Variants in SLC24A2 observed in about 807,000 individuals in gnomAD.
SLC24A2 encodes the protein solute carrier family 24 member 2.
SLC24A2 carries 36 observed loss-of-function variants against 62.0 expected under a neutral mutation model. That is an observed-to-expected ratio of 0.58 (90% CI 0.44 to 0.77). The LOEUF is 0.77. Ranked by LOEUF, SLC24A2 falls within the 30% of genes least tolerant of loss-of-function variation. The probability of loss-of-function intolerance (pLI) is 0.00; values close to 1 mark genes in which losing one functional copy is unlikely to be tolerated. For synonymous variants in SLC24A2, 358 were observed against 294.0 expected, an observed-to-expected ratio of 1.22 and a Z score of -2.23; for missense variants, 846 against 817.9, an observed-to-expected ratio of 1.03 and a Z score of -0.42.
At chr9:19,851,027 A>T in the SLC24A2 span, among the ~76,000 whole-genome samples, 20,057 of 54,608 alleles carry the variant, frequency 0.37, 4,868 homozygotes, top group Non-Finnish European at 0.45. Context: ...ATATATACAT[A>T]TTTTTTTTTT....
At chr9:19,643,260 G>C (rs73646352) in intron 2 of SLC24A2, among the ~76,000 whole-genome samples, 4,907 of 152,078 alleles carry the variant, frequency 0.032, 183 homozygotes, top group African/African-American at 0.087. Context: ...AAACTATTAC[G>C]TATAATCTCT....
At chr9:20,279,592 G>A in the SLC24A2 span, among the ~76,000 whole-genome samples, 1,056 of 152,294 alleles carry the variant, frequency 6.9e-3, 16 homozygotes, top group African/African-American at 0.025. Flanking sequence ...TGATGATATT[G>A]CAAGTCCATC....
chr9:19,606,643 AACACACACACACACGC>A (rs1336243104), intron 4 of SLC24A2, among the ~76,000 whole-genome samples: 11 of 151,974 alleles, frequency 7.2e-5, no homozygotes, highest in Middle Eastern at 3.4e-3. Context: ...AATATATGAG[AACACACACACACACGC>A]ACACACACAC....
chr9:19,566,221 C>A (rs1217372558), intron 7 of SLC24A2, among the ~76,000 whole-genome samples: 1 of 150,264 alleles, frequency 6.7e-6, no homozygotes, highest in Non-Finnish European at 1.5e-5. Flanking sequence ...ACTCATCTGA[C>A]AAAGGGCTAA....
At chr9:19,964,251 G>A in the SLC24A2 span, among the ~76,000 whole-genome samples, 1 of 150,062 alleles carries the variant, frequency 6.7e-6, no homozygotes, top group East Asian at 2.0e-4. Context: ...GATAGCATGA[G>A]GAGATATACC....
At chr9:20,023,336 G>A in the SLC24A2 span, among the ~76,000 whole-genome samples, 2 of 152,270 alleles carry the variant, frequency 1.3e-5, no homozygotes, top group South Asian at 4.1e-4. Flanking sequence ...AAACTGCTCT[G>A]TATTTCCATG....
At chr9:19,517,539 T>G (rs1480516923) in intron 10 of SLC24A2, among the ~76,000 whole-genome samples, 3 of 152,144 alleles carry the variant, frequency 2.0e-5, no homozygotes, top group Non-Finnish European at 4.4e-5. Flanking sequence ...TCTTTGAAAT[T>G]CCAGGCCTGG....
Position 19,708,737 on chromosome 9 carries a change from T to C in SLC24A2, c.930+77200A>G, listed in dbSNP as rs971938606. Among the ~76,000 whole-genome samples the C allele has an allele frequency of 7.9e-5, 12 of 152,074 alleles. No homozygotes were observed. In the East Asian group the frequency reaches 1.4e-3, roughly 17 times the overall value. On this transcript the variant is annotated intron_variant, in intron 2 of 10. Coordinates refer to ENST00000341998, the MANE Select transcript of SLC24A2 (RefSeq NM_020344.4). ...GCTGAAACTGGATCCCTTCCTTACA[T>C]CTTATACAAAAATTAATTCAAGATG...
chr9:19,665,293 T>A (rs1268679231), intron 2 of SLC24A2, among the ~76,000 whole-genome samples: 3 of 152,060 alleles, frequency 2.0e-5, no homozygotes, highest in Non-Finnish European at 4.4e-5. Context: ...GCAGTGGAGA[T>A]GAGAAGAAAC....
rs368071322 is a variant in SLC24A2 at position 19,620,529 on chromosome 9, T to C, written c.970-837A>G. Among the ~76,000 whole-genome samples the C allele has an allele frequency of 4.6e-5, 7 of 152,348 alleles. No individual in the cohort carries two copies. The South Asian group carries it at 1.5e-3, about 32-fold the overall frequency. ...GATCCGTTGGCCAAATAAAAGGAAC[T>C]GGTACGTGACAAGGAAGAATGAGTA... On this transcript the variant is annotated intron_variant, in intron 3 of 10. Coordinates refer to ENST00000341998, the MANE Select transcript of SLC24A2 (RefSeq NM_020344.4).
At chr9:19,797,565 A>G in the SLC24A2 span, among the ~76,000 whole-genome samples, 2 of 152,228 alleles carry the variant, frequency 1.3e-5, no homozygotes, top group African/African-American at 2.4e-5. Context: ...CCAGAAACAC[A>G]TGTCAGTATC....
At chr9:19,592,495 C>CCCACCT (rs1836585332) in intron 5 of SLC24A2, among the ~76,000 whole-genome samples, 141 of 70,578 alleles carry the variant, frequency 2.0e-3, no homozygotes, top group African/African-American at 4.5e-3. Context: ...CCTACCTACC[C>CCCACCT]ACCTACCTAC....
At chr9:19,983,677 C>T in the SLC24A2 span, among the ~76,000 whole-genome samples, 1 of 151,994 alleles carries the variant, frequency 6.6e-6, no homozygotes, top group Non-Finnish European at 1.5e-5. Context: ...TTTTTTCATC[C>T]ACTGGAAATG....
chr9:19,826,167 G>A, the SLC24A2 span, among the ~76,000 whole-genome samples: 2 of 78,652 alleles, frequency 2.5e-5, no homozygotes, highest in Non-Finnish European at 5.6e-5. Context: ...GAAGAATGAT[G>A]CATTGCAAAA....
chr9:19,941,856 C>T, the SLC24A2 span, among the ~76,000 whole-genome samples: 4 of 152,046 alleles, frequency 2.6e-5, no homozygotes, highest in East Asian at 5.8e-4. Flanking sequence ...TATAAGGAAT[C>T]AGTACTAGGA....
chr9:19,933,845 C>A, the SLC24A2 span, among the ~76,000 whole-genome samples: 5 of 152,216 alleles, frequency 3.3e-5, no homozygotes, highest in Admixed American at 6.5e-5. Context: ...AAAACTTTAT[C>A]CTAAGTGAAA....
chr9:19,971,311 G>T, the SLC24A2 span, among the ~76,000 whole-genome samples: 1 of 152,164 alleles, frequency 6.6e-6, no homozygotes, highest in Non-Finnish European at 1.5e-5. Context: ...GTTTATTGTT[G>T]TGTCATTTGT....
At chr9:19,967,320 T>A in the SLC24A2 span, 13 of 152,182 alleles carry the variant, frequency 8.5e-5, no homozygotes, top group African/African-American at 3.1e-4. Context: ...CACTTACACA[T>A]ACTTGTACAC....
Position 19,509,812 on chromosome 9 carries a change from T to C in SLC24A2, c.*6341A>G, listed in dbSNP as rs556525464. On this transcript the variant is annotated 3_prime_UTR_variant, in exon 11 of 11. Transcript: ENST00000341998. ...TAGTCTCCAAGGCCTTAGTTACTTA[T>C]GGATCCATTATGAAGGAATATGCAA... 2 of 152,180 alleles carry C rather than the reference T, an allele frequency of 1.3e-5. No homozygotes were observed. Among genetic ancestry groups the C allele is most frequent in the Non-Finnish European group, 2.9e-5 (2 of 68,032 alleles). 9.4% of individuals were successfully genotyped at this position (152,180 alleles called of 1,614,324 possible). A position where few individuals can be genotyped will look rare whatever the true frequency, so the allele number is the denominator to read the frequency against.
Sources: allele counts gnomAD v4.1 joint callset (sites outside exome capture counted in the v4.1 genomes callset), GRCh38; gene constraint gnomAD v4.1.1; transcripts MANE v1.5; gene names NCBI Gene and HGNC (gene_info 2026-07-23, HGNC 2026-07-21).